The following MYB variants were observed in gnomAD, a reference collection of about 807,000 sequenced individuals.
MYB encodes the protein MYB proto-oncogene, transcription factor, also known as transcriptional activator Myb.
Under a neutral mutation model 92.9 loss-of-function variants are expected in MYB, and 28 were observed. The ratio of observed to expected loss-of-function variants is 0.30; its 90% CI spans 0.22 to 0.41. The LOEUF (loss-of-function observed/expected upper bound fraction) is 0.41, where lower values mean the gene tolerates loss of function less well. Ranked by LOEUF, MYB falls within the 10% of genes least tolerant of loss-of-function variation. The pLI is 1.00. For synonymous variants in MYB, 295 were observed against 329.1 expected, an observed-to-expected ratio of 0.90 and a Z score of 1.12; for missense variants, 679 against 929.3, an observed-to-expected ratio of 0.73 and a Z score of 3.50.
intron 14 of MYB, 33 bp downstream of exon 14, chr6:135,201,782 A>C (rs772684662): frequency 3.8e-6 from 5 of 1,309,222 alleles, no homozygotes; most frequent in Admixed American, 2.6e-5. Flanking sequence ...CCAAGTTGTT[A>C]TGTGACACTG....
intron 14 of MYB, chr6:135,202,506 T>G (rs1778252995): frequency 1.3e-5 from 2 of 155,468 alleles, no homozygotes; most frequent in African/African-American, 4.8e-5. Context: ...GAAGCTGGGA[T>G]TACAGGCACC....
In MYB at chr6:135,195,848, A is replaced by C; in HGVS notation, c.1049A>C (p.Glu350Ala). Reference sequence around the variant, plus strand: ...AGTGCACCTGTTTCCTGTTTGGGAGAACACCACTCCACTCCATCTCTGCCA... The same window carrying C: ...AGTGCACCTGTTTCCTGTTTGGGAGCACACCACTCCACTCCATCTCTGCCA... ...GDSAPVSCLG[E>A]HHSTPSLPAD... The change falls in exon 9 of 16, where the codon GAA (glutamate) becomes GCA (alanine). Residue 350 changes from glutamate (E) to alanine (A), a missense_variant. This residue lies in a region of MYB where 56 missense variants were observed against 55.8 expected (regional missense o/e 1.00). Transcript: ENST00000341911. The C allele has an allele frequency of 6.2e-7, 1 of 1,614,032 alleles. No individual in the cohort carries two copies. Among genetic ancestry groups the C allele is most frequent in the African/African-American group, 1.3e-5 (1 of 74,976 alleles).
chr6:135,185,413 T>C (rs1316838367), intron 1 of MYB, among the ~76,000 whole-genome samples: 1 of 152,250 alleles, frequency 6.6e-6, no homozygotes, highest in Non-Finnish European at 1.5e-5. Flanking sequence ...CTTCTTGATT[T>C]TTTTCTTCTT....
chr6:135,195,734 TC>T lies in MYB; in HGVS notation c.949-9del. ...TGTCCTCTCTTTATTTCTACACCCT[TC>T]CCCCTTCCTTAGACACAGAACCACA... is the stretch of plus-strand genomic sequence containing the variant. On this transcript the variant is annotated splice_polypyrimidine_tract_variant and intron_variant, in intron 8 of 15. Transcript: ENST00000341911. The T allele has an allele frequency of 3.1e-6, 5 of 1,612,926 alleles. No individual in the cohort carries two copies. Among genetic ancestry groups the T allele is most frequent in the Non-Finnish European group, 4.2e-6 (5 of 1,179,072 alleles).
intron 8 of MYB, chr6:135,195,516 A>G: frequency 1.9e-6 from 1 of 513,784 alleles, no homozygotes; most frequent in East Asian, 2.9e-5. Flanking sequence ...ATTTTTACAA[A>G]ATGATAACAA....
intron 9 of MYB, chr6:135,196,688 C>T: frequency 7.4e-7 from 1 of 1,343,226 alleles, no homozygotes; most frequent in Non-Finnish European, 1.0e-6. Context: ...AATATGCCAT[C>T]TAGAAAAGGT....
chr6:135,195,362 T>TTAAAAAAAAAAA, intron 8 of MYB: 1 of 250,352 alleles, frequency 4.0e-6, no homozygotes, highest in Non-Finnish European at 7.9e-6. Flanking sequence ...GTCCTCTAGC[T>TTAAAAAAAAAAA]TTTTTGTGGT....
intron 13 of MYB, 155 bp downstream of exon 13, chr6:135,200,570 T>C: frequency 9.4e-7 from 1 of 1,065,148 alleles, no homozygotes; most frequent in Non-Finnish European, 1.4e-6. Context: ...ACTGCCAGAC[T>C]GTAGGCATCA....
intron 15 of MYB, among the ~76,000 whole-genome samples, chr6:135,208,546 GTTTT>G (rs567088347): frequency 7.4e-6 from 1 of 134,624 alleles, no homozygotes; most frequent in Non-Finnish European, 1.6e-5. Context: ...TGCCCAGCTA[GTTTT>G]TTTTTTTTTT....
intron 15 of MYB, among the ~76,000 whole-genome samples, chr6:135,206,275 G>C (rs1778909444): frequency 6.7e-6 from 1 of 149,992 alleles, no homozygotes; most frequent in Non-Finnish European, 1.5e-5. Flanking sequence ...GTACATACCT[G>C]TAATCCTAGC....
intron 8 of MYB, chr6:135,195,356 T>TTTAAAAA: frequency 5.9e-6 from 1 of 170,044 alleles, no homozygotes; most frequent in South Asian, 1.1e-4. Context: ...TCCTGAGTCC[T>TTTAAAAA]CTAGCTTTTT....
intron 10 of MYB, among the ~76,000 whole-genome samples, chr6:135,197,764 A>C (rs1276000021): frequency 6.6e-6 from 1 of 152,218 alleles, no homozygotes; most frequent in East Asian, 1.9e-4. Flanking sequence ...GCAACTAGAA[A>C]ATTTAAAGCT....
intron 15 of MYB, among the ~76,000 whole-genome samples, chr6:135,207,698 G>C (rs1779126521): frequency 6.6e-6 from 1 of 150,820 alleles, no homozygotes; most frequent in Admixed American, 6.6e-5. Context: ...ATGTTCTAGA[G>C]TCAACAATTG....
rs935832455 is a variant in MYB at position 135,194,826 on chromosome 6, G to T, written c.948+366G>T. ...CATTTTGGTTTTTTTCTATTATTTT[G>T]TTAACCTATATTTTCATATTTTATA... is the stretch of plus-strand genomic sequence containing the variant. On this transcript the variant is annotated intron_variant, in intron 8 of 15. Coordinates refer to ENST00000341911, the MANE Select transcript of MYB (RefSeq NM_001130173.2). The T allele has an allele frequency of 4.5e-5, 46 of 1,024,718 alleles. No homozygotes were observed. In the Middle Eastern group the frequency reaches 1.2e-3, roughly 28 times the overall value. The allele number at this position is 1,024,718 out of a possible 1,614,324, so 63.5% of individuals were successfully genotyped here. A position where few individuals can be genotyped will look rare whatever the true frequency, so the allele number is the denominator to read the frequency against.
chr6:135,181,617 A>G lies in MYB; in HGVS notation c.23+81A>G. 5 of 1,010,740 alleles carry G rather than the reference A, an allele frequency of 4.9e-6. No individual in the cohort carries two copies. The highest frequency in any genetic ancestry group is 6.2e-6 in the Non-Finnish European group (5 of 807,940). The allele number at this position is 1,010,740 out of a possible 1,614,324, so 62.6% of individuals were successfully genotyped here. On this transcript the variant is annotated intron_variant, in intron 1 of 15. Transcript: ENST00000341911. This position sits in a 1 kb window ranked among gnomAD's most constrained non-coding sequence, Gnocchi z 5.3. Reference sequence around the variant, plus strand: ...CGCCAGGCTCCCGGGAGCAGGTGGGAATTCGTTCCGGGATCATCTGAGGGG... The same window carrying G: ...CGCCAGGCTCCCGGGAGCAGGTGGGGATTCGTTCCGGGATCATCTGAGGGG...
chr6:135,211,644 A>G (rs2128318369), intron 15 of MYB, among the ~76,000 whole-genome samples: 1 of 152,300 alleles, frequency 6.6e-6, no homozygotes, highest in South Asian at 2.1e-4. Flanking sequence ...GCTATATGAT[A>G]TAAACTTAGA....
At chr6:135,193,142 C>T (rs1052048900) in intron 6 of MYB, among the ~76,000 whole-genome samples, 10 of 152,048 alleles carry the variant, frequency 6.6e-5, no homozygotes, top group East Asian at 1.9e-4. Context: ...TTTTAGTCTC[C>T]GTTGGATCAG....
In MYB at chr6:135,203,393, G is replaced by T. The variant is rs542522312; in HGVS notation, c.2169+69G>T. 7.2e-6 allele frequency: 9 copies of T among 1,254,066 alleles called. No individual in the cohort carries two copies. The South Asian group carries it at 8.6e-5, about 12-fold the overall frequency. 77.7% of individuals were successfully genotyped at this position (1,254,066 alleles called of 1,614,324 possible). A position where few individuals can be genotyped will look rare whatever the true frequency, so the allele number is the denominator to read the frequency against. On this transcript the variant is annotated intron_variant, in intron 15 of 15. Transcript: ENST00000341911. ...AAAAACTGTCATCTTTGGTGGTGGT[G>T]GTGGTGGTGGTGATGGTAGTGCTGG... is the stretch of plus-strand genomic sequence containing the variant.
At chr6:135,208,315 G>T (rs1173832221) in intron 15 of MYB, among the ~76,000 whole-genome samples, 1 of 151,830 alleles carries the variant, frequency 6.6e-6, no homozygotes, top group Non-Finnish European at 1.5e-5. Context: ...CTGACCTCAT[G>T]ATCGGCCCGC....
Sources: allele counts gnomAD v4.1 joint callset (sites outside exome capture counted in the v4.1 genomes callset), GRCh38; gene constraint gnomAD v4.1.1; regional missense constraint gnomAD v4.1.1; non-coding constraint Gnocchi (gnomAD v3.1); transcripts MANE v1.5; gene names NCBI Gene and HGNC (gene_info 2026-07-23, HGNC 2026-07-21).